Variants in SLC24A3 observed in about 807,000 individuals in gnomAD.
The protein encoded by SLC24A3 is sodium/potassium/calcium exchanger 3.
SLC24A3 carries 28 observed loss-of-function variants against 75.8 expected under a neutral mutation model. The observed-to-expected ratio is 0.37, with a 90% CI of 0.27 to 0.51. SLC24A3 has a LOEUF of 0.51. Ranked by LOEUF, SLC24A3 falls within the 20% of genes least tolerant of loss-of-function variation. The probability of loss-of-function intolerance (pLI) is 0.94; values close to 1 mark genes in which losing one functional copy is unlikely to be tolerated. For synonymous variants in SLC24A3, 372 were observed against 334.1 expected, an observed-to-expected ratio of 1.11 and a Z score of -1.24; for missense variants, 663 against 847.8, an observed-to-expected ratio of 0.78 and a Z score of 2.71.
At chr20:19,540,968 G>A (rs1017517539) in intron 3 of SLC24A3, among the ~76,000 whole-genome samples, 2 of 152,164 alleles carry the variant, frequency 1.3e-5, no homozygotes, top group African/African-American at 4.8e-5. Flanking sequence ...TCCTCCCCGT[G>A]TCCCAACCCT....
At chr20:19,273,719 A>G (rs1350725521) in intron 1 of SLC24A3, among the ~76,000 whole-genome samples, 1 of 151,980 alleles carries the variant, frequency 6.6e-6, no homozygotes, top group Non-Finnish European at 1.5e-5. Context: ...TCCATCCAGA[A>G]GACAGAAGAT....
At chr20:19,408,352 CT>C (rs1986685920) in intron 2 of SLC24A3, among the ~76,000 whole-genome samples, 1 of 150,800 alleles carries the variant, frequency 6.6e-6, no homozygotes, top group Admixed American at 6.6e-5. Context: ...TAATTTTCCC[CT>C]TTTTCTAGTG....
At chr20:19,597,188 AACG>A (rs1244289767) in intron 6 of SLC24A3, among the ~76,000 whole-genome samples, 3 of 48,008 alleles carry the variant, frequency 6.2e-5, no homozygotes, top group African/African-American at 1.5e-4. Context: ...TTCCACAACG[AACG>A]GCCTGGGCAA....
At chr20:19,573,966 C>G (rs557437217) in intron 3 of SLC24A3, among the ~76,000 whole-genome samples, 1 of 152,360 alleles carries the variant, frequency 6.6e-6, no homozygotes, top group South Asian at 2.1e-4. Context: ...AGGTGAACCT[C>G]TTACGTTGGG....
intron 2 of SLC24A3, among the ~76,000 whole-genome samples, chr20:19,505,430 G>A (rs1311766030): frequency 6.6e-6 from 1 of 152,184 alleles, no homozygotes; most frequent in Non-Finnish European, 1.5e-5. Context: ...AATAGAGAGA[G>A]GGAAAAGTGC....
chr20:19,303,085 T>C (rs1984234251), intron 2 of SLC24A3, among the ~76,000 whole-genome samples: 1 of 152,096 alleles, frequency 6.6e-6, no homozygotes, highest in South Asian at 2.1e-4. Context: ...CGTGGGGGTT[T>C]TGTGTATAGA....
chr20:19,260,696 C>T (rs186760021), intron 1 of SLC24A3, among the ~76,000 whole-genome samples: 1 of 152,264 alleles, frequency 6.6e-6, no homozygotes, highest in Admixed American at 6.5e-5. Flanking sequence ...TTTACTGCTT[C>T]CCAAAAAAGA....
At chr20:19,365,745 C>CA (rs142833545) in intron 2 of SLC24A3, among the ~76,000 whole-genome samples, 5,156 of 152,242 alleles carry the variant, frequency 0.034, 262 homozygotes, top group African/African-American at 0.12. Context: ...GAGCTACCTC[C>CA]AGCCTCACTG....
chr20:19,715,015 A>T (rs373063978), intron 15 of SLC24A3, among the ~76,000 whole-genome samples: 1 of 152,220 alleles, frequency 6.6e-6, no homozygotes, highest in Non-Finnish European at 1.5e-5. Context: ...AGATATCTGT[A>T]TGCGCAGTGC....
intron 1 of SLC24A3, among the ~76,000 whole-genome samples, chr20:19,278,468 T>C (rs1244048638): frequency 6.6e-6 from 1 of 152,236 alleles, no homozygotes; most frequent in African/African-American, 2.4e-5. Flanking sequence ...ACAGAGGGGA[T>C]GCCCTTCTCC....
intron 2 of SLC24A3, among the ~76,000 whole-genome samples, chr20:19,424,645 G>GT (rs754787423): frequency 3.3e-5 from 5 of 150,362 alleles, no homozygotes. Flanking sequence ...AAGAGCCTAG[G>GT]TTGTGGAGCC....
intron 1 of SLC24A3, among the ~76,000 whole-genome samples, chr20:19,235,475 A>G (rs964691239): frequency 2.0e-5 from 3 of 152,132 alleles, no homozygotes; most frequent in African/African-American, 7.2e-5. Flanking sequence ...TTACACACCT[A>G]GGTTGAGTAC....
chr20:19,524,847 T>C (rs2030168887), intron 3 of SLC24A3, among the ~76,000 whole-genome samples: 3 of 152,234 alleles, frequency 2.0e-5, no homozygotes, highest in South Asian at 2.1e-4. Context: ...AATAATGAGG[T>C]ACTACTATTT....
chr20:19,229,015 G>A (rs1016000561), intron 1 of SLC24A3, among the ~76,000 whole-genome samples: 3 of 152,180 alleles, frequency 2.0e-5, no homozygotes, highest in Admixed American at 2.0e-4. Context: ...AGCACTTATA[G>A]TGCTGCCTGC....
chr20:19,650,276 G>A (rs2032187196), intron 6 of SLC24A3, among the ~76,000 whole-genome samples: 1 of 152,190 alleles, frequency 6.6e-6, no homozygotes, highest in African/African-American at 2.4e-5. Flanking sequence ...GAAGAGAAAG[G>A]ATATCACTAT....
Position 19,392,429 on chromosome 20 carries a change from A to G in SLC24A3, c.271+111342A>G, listed in dbSNP as rs368555003. On this transcript the variant is annotated intron_variant, in intron 2 of 16. Coordinates refer to ENST00000328041, the MANE Select transcript of SLC24A3 (RefSeq NM_020689.4). ...CTCAGTGTTTAAAGTTTTAGAGAAG[A>G]CTTATGGAGTGATGAGAAATGTTCC... 2.6e-3 allele frequency among the ~76,000 whole-genome samples: 392 copies of G among 152,330 alleles called. 4 individuals carry two copies. Among genetic ancestry groups the G allele is most frequent in the South Asian group, 0.02 (97 of 4,822 alleles).
intron 6 of SLC24A3, among the ~76,000 whole-genome samples, chr20:19,648,603 A>G (rs2032165718): frequency 6.6e-6 from 1 of 152,018 alleles, no homozygotes; most frequent in Admixed American, 6.6e-5. Context: ...TATATACTAT[A>G]TGTATATTAT....
At chr20:19,468,825 G>C (rs1987814190) in intron 2 of SLC24A3, among the ~76,000 whole-genome samples, 1 of 152,176 alleles carries the variant, frequency 6.6e-6, no homozygotes, top group Admixed American at 6.5e-5. Flanking sequence ...CCTGAGATGA[G>C]AGGGGCAAGG....
chr20:19,574,001 T>C (rs2031092949), intron 3 of SLC24A3, among the ~76,000 whole-genome samples: 1 of 152,232 alleles, frequency 6.6e-6, no homozygotes, highest in Admixed American at 6.5e-5. Flanking sequence ...CCTCAGGCCA[T>C]TCTTCTTTGT....
Sources: allele counts gnomAD v4.1 joint callset (sites outside exome capture counted in the v4.1 genomes callset), GRCh38; gene constraint gnomAD v4.1.1; transcripts MANE v1.5; gene names NCBI Gene and HGNC (gene_info 2026-07-23, HGNC 2026-07-21).